FRMD3: variants seen among roughly 807,000 people sequenced by gnomAD.
The protein encoded by FRMD3 is FERM domain-containing protein 3.
FRMD3 carries 33 observed loss-of-function variants against 70.2 expected under a neutral mutation model. That is an observed-to-expected ratio of 0.47 (90% CI 0.36 to 0.63). The LOEUF (loss-of-function observed/expected upper bound fraction) is 0.63, where lower values mean the gene tolerates loss of function less well. Among genes scored for constraint, FRMD3 ranks in the 20% least tolerant of loss-of-function variants. The pLI, the probability that FRMD3 is intolerant of heterozygous loss-of-function variation, is 0.00. For synonymous variants in FRMD3, 279 were observed against 255.9 expected, an observed-to-expected ratio of 1.09 and a Z score of -0.86; for missense variants, 632 against 711.4, an observed-to-expected ratio of 0.89 and a Z score of 1.27.
chr9:83,564,205 T>C, the FRMD3 span, among the ~76,000 whole-genome samples: 1,687 of 152,254 alleles, frequency 0.011, 33 homozygotes, highest in African/African-American at 0.038. Context: ...TCTGAGAATA[T>C]TGGCAATTCA....
intron 1 of FRMD3, among the ~76,000 whole-genome samples, chr9:83,473,519 A>C (rs1169801065): frequency 1.3e-5 from 2 of 152,214 alleles, no homozygotes; most frequent in Non-Finnish European, 2.9e-5. Context: ...GTTTCGTAGA[A>C]ACAGAAAGTA....
At chr9:83,532,796 G>C (rs911271854) in intron 1 of FRMD3, among the ~76,000 whole-genome samples, 2 of 152,196 alleles carry the variant, frequency 1.3e-5, no homozygotes, top group Non-Finnish European at 2.9e-5. Context: ...AAAACTGATG[G>C]GGACTCTGGG....
At chr9:83,373,872 A>G (rs1441809597) in intron 2 of FRMD3, among the ~76,000 whole-genome samples, 10 of 152,192 alleles carry the variant, frequency 6.6e-5, no homozygotes, top group Non-Finnish European at 1.5e-4. Context: ...TTTACCGTCC[A>G]TTGAGCTCTT....
chr9:83,362,953 T>TCC (rs1824654973), intron 3 of FRMD3, among the ~76,000 whole-genome samples: 2 of 145,952 alleles, frequency 1.4e-5, no homozygotes, highest in Non-Finnish European at 3.1e-5. Flanking sequence ...CTTGCTTTCT[T>TCC]TCTTCCTTCC....
intron 3 of FRMD3, among the ~76,000 whole-genome samples, chr9:83,352,591 A>C (rs1220662510): frequency 6.6e-6 from 1 of 152,190 alleles, no homozygotes; most frequent in East Asian, 1.9e-4. Context: ...TCCCACGTAC[A>C]TGAAGAGTCC....
intron 1 of FRMD3, among the ~76,000 whole-genome samples, chr9:83,485,450 A>C (rs898984141): frequency 1.3e-5 from 2 of 152,184 alleles, no homozygotes; most frequent in African/African-American, 2.4e-5. Context: ...AAATTAAGTG[A>C]TTTCATTAAA....
At chr9:83,510,508 C>G (rs1176873394) in intron 1 of FRMD3, among the ~76,000 whole-genome samples, 1 of 152,132 alleles carries the variant, frequency 6.6e-6, no homozygotes. Context: ...CCACATGCCC[C>G]AGCAATTCCA....
intron 13 of FRMD3, among the ~76,000 whole-genome samples, chr9:83,267,561 C>T (rs1833327339): frequency 1.3e-5 from 2 of 152,084 alleles, no homozygotes; most frequent in African/African-American, 2.4e-5. Context: ...TTATATTCTA[C>T]AGCAGTACTG....
chr9:83,469,571 T>G (rs1405852744), intron 1 of FRMD3, among the ~76,000 whole-genome samples: 1 of 152,176 alleles, frequency 6.6e-6, no homozygotes, highest in Non-Finnish European at 1.5e-5. Flanking sequence ...GAGGAGAAAC[T>G]TAAGACCAAA....
At chr9:83,301,438 G>A (rs1361158480) in intron 10 of FRMD3, among the ~76,000 whole-genome samples, 1 of 151,424 alleles carries the variant, frequency 6.6e-6, no homozygotes, top group Admixed American at 6.6e-5. Flanking sequence ...AGAAGAGAAA[G>A]CTTTAAAGAA....
chr9:83,292,677 T>C (rs1456716226), intron 12 of FRMD3, among the ~76,000 whole-genome samples: 1 of 152,156 alleles, frequency 6.6e-6, no homozygotes, highest in Non-Finnish European at 1.5e-5. Flanking sequence ...AGACGGAGTC[T>C]CACTCTGTCG....
the FRMD3 span, among the ~76,000 whole-genome samples, chr9:83,549,006 A>T: frequency 1.3e-5 from 2 of 152,200 alleles, no homozygotes; most frequent in East Asian, 3.9e-4. Context: ...TTACATAGAT[A>T]ATCATGTGTC....
intron 1 of FRMD3, among the ~76,000 whole-genome samples, chr9:83,392,239 C>G (rs1299128692): frequency 6.6e-6 from 1 of 152,160 alleles, no homozygotes; most frequent in Non-Finnish European, 1.5e-5. Context: ...CCCAGCAAGC[C>G]TCACCACCCT....
At position 83,453,711 on chromosome 9, in the gene FRMD3, ATTTT is replaced by A. The variant is rs59376142; in HGVS notation, c.148-64007_148-64004del. 5.1e-3 allele frequency among the ~76,000 whole-genome samples: 591 copies of A among 115,094 alleles called. 3 individuals carry two copies. Among genetic ancestry groups the A allele is most frequent in the African/African-American group, 0.02 (552 of 27,076 alleles). The allele number at this position is 115,094 out of a possible 152,430, so 75.5% of individuals were successfully genotyped here. A position where few individuals can be genotyped will look rare whatever the true frequency, so the allele number is the denominator to read the frequency against. ...TTCCACCTGTTTCCTGTTTGTTTTA[ATTTT>A]TTTTTTTTTTTTTTTTTTGAGATGG... On this transcript the variant is annotated intron_variant, in intron 1 of 13. Coordinates refer to ENST00000304195, the MANE Select transcript of FRMD3 (RefSeq NM_174938.6).
At chr9:83,425,394 T>C (rs1826773341) in intron 1 of FRMD3, among the ~76,000 whole-genome samples, 1 of 152,096 alleles carries the variant, frequency 6.6e-6, no homozygotes. Context: ...GTCATGAGGT[T>C]GTGGGGAGAG....
intron 9 of FRMD3, 53 bp downstream of exon 9, chr9:83,310,432 A>C: frequency 1.5e-6 from 2 of 1,354,626 alleles, no homozygotes; most frequent in Non-Finnish European, 1.0e-6. Flanking sequence ...TTACTCCTGA[A>C]TCTCTCTCAT....
chr9:83,508,844 C>G (rs976560354), intron 1 of FRMD3, among the ~76,000 whole-genome samples: 1 of 152,166 alleles, frequency 6.6e-6, no homozygotes, highest in Non-Finnish European at 1.5e-5. Context: ...GCTTTTGCAC[C>G]ACATGACTTG....
At chr9:83,333,202 A>G (rs759573688) in intron 6 of FRMD3, among the ~76,000 whole-genome samples, 2 of 152,226 alleles carry the variant, frequency 1.3e-5, no homozygotes, top group Admixed American at 6.5e-5. Context: ...AAAAATACAC[A>G]GGGAAATAGC....
intron 1 of FRMD3, among the ~76,000 whole-genome samples, chr9:83,535,617 G>T (rs950584416): frequency 8.1e-6 from 1 of 122,874 alleles, no homozygotes; most frequent in South Asian, 3.1e-4. Flanking sequence ...GACTTTTTGT[G>T]ATTTTTTTTT....
Sources: gnomAD v4.1 joint callset for allele counts (sites outside exome capture counted in the v4.1 genomes callset) on GRCh38, gnomAD v4.1.1 for gene constraint, MANE v1.5 for transcripts, NCBI Gene and HGNC (gene_info 2026-07-23, HGNC 2026-07-21) for gene names.